The following FOXP1 variants were observed in gnomAD, a reference collection of about 807,000 sequenced individuals.
The protein encoded by FOXP1 is forkhead box P1, also known as forkhead box protein P1.
A neutral mutation model predicts 98.2 loss-of-function variants in FOXP1; 15 were observed. The observed-to-expected ratio is 0.15, with a 90% CI of 0.10 to 0.24. The LOEUF (loss-of-function observed/expected upper bound fraction) is 0.24. Among genes scored for constraint, FOXP1 ranks in the 10% least tolerant of loss-of-function variants. The probability of loss-of-function intolerance (pLI) is 1.00; values close to 1 mark genes in which losing one functional copy is unlikely to be tolerated. For missense variants in FOXP1, 633 were observed against 848.5 expected (o/e 0.75, Z 3.15); for synonymous variants, 371 against 314.5 (o/e 1.18, Z -1.90).
chr3:71,296,854 A>G (rs995965339), intron 5 of FOXP1, among the ~76,000 whole-genome samples: 15 of 152,320 alleles, frequency 9.8e-5, no homozygotes, highest in African/African-American at 3.4e-4. Flanking sequence ...TGGTTGTTAA[A>G]AAGAGCCTGG....
chr3:71,472,733 T>C (rs1379928833), intron 3 of FOXP1, among the ~76,000 whole-genome samples: 3 of 152,214 alleles, frequency 2.0e-5, no homozygotes, highest in East Asian at 1.9e-4. Flanking sequence ...AGAAGTAGAT[T>C]AGAATAATGG....
At chr3:71,558,254 C>G (rs539927062) in intron 2 of FOXP1, among the ~76,000 whole-genome samples, 2 of 152,168 alleles carry the variant, frequency 1.3e-5, no homozygotes, top group African/African-American at 4.8e-5. Flanking sequence ...CTGAAGGAAA[C>G]CTTCCTCTGA....
At chr3:71,047,177 A>AT in intron 9 of FOXP1, 82 bp from the exon 10 acceptor site, 1 of 1,500,428 alleles carries the variant, frequency 6.7e-7, no homozygotes, top group Non-Finnish European at 9.3e-7. Context: ...ACTCACCATC[A>AT]TCATCAAATG....
intron 3 of FOXP1, among the ~76,000 whole-genome samples, chr3:71,431,996 G>C (rs2084761207): frequency 6.6e-6 from 1 of 152,224 alleles, no homozygotes. Flanking sequence ...CAGAGAAGCA[G>C]AGAGAACCTA....
chr3:71,522,577 T>C (rs1309233113), intron 2 of FOXP1, among the ~76,000 whole-genome samples: 1 of 152,190 alleles, frequency 6.6e-6, no homozygotes, highest in Non-Finnish European at 1.5e-5. Context: ...CCAGGTTCAT[T>C]GTGAGGGACA....
At chr3:71,347,899 CAG>C (rs2077474072) in intron 4 of FOXP1, among the ~76,000 whole-genome samples, 2 of 147,020 alleles carry the variant, frequency 1.4e-5, no homozygotes, top group Non-Finnish European at 3.0e-5. Flanking sequence ...AAAAAAAAAA[CAG>C]AGTTGTCCCT....
rs2031644856 is a variant in FOXP1, at chr3:70,955,835, C to T, written c.*3412G>A. 1 of 217,344 alleles carries T rather than the reference C, an allele frequency of 4.6e-6. No homozygotes were observed. The highest frequency in any genetic ancestry group is 9.1e-6 in the Non-Finnish European group (1 of 109,778). The allele number at this position is 217,344 out of a possible 1,614,324, so 13.5% of individuals were successfully genotyped here. A position where few individuals can be genotyped will look rare whatever the true frequency, so the allele number is the denominator to read the frequency against. On this transcript the variant is annotated 3_prime_UTR_variant, in exon 21 of 21. Coordinates refer to ENST00000649528, the MANE Select transcript of FOXP1 (RefSeq NM_001349338.3). Reference sequence around the variant, plus strand: ...AGATTAACACACACGCACGCGCGCACACACACACACACACACACACAAAAC... The same window carrying T: ...AGATTAACACACACGCACGCGCGCATACACACACACACACACACACAAAAC...
chr3:71,349,524 T>A (rs1950132), intron 4 of FOXP1, among the ~76,000 whole-genome samples: 3 of 152,126 alleles, frequency 2.0e-5, no homozygotes, highest in African/African-American at 7.2e-5. Context: ...GAAAATATGA[T>A]GGACATGAAA....
intron 6 of FOXP1, among the ~76,000 whole-genome samples, chr3:71,150,851 G>A (rs188589734): frequency 4.6e-5 from 7 of 152,104 alleles, no homozygotes; most frequent in Admixed American, 3.9e-4. Context: ...ACCCCGTTAC[G>A]GTCTCTTTTT....
intron 3 of FOXP1, among the ~76,000 whole-genome samples, chr3:71,411,688 G>C (rs1027106726): frequency 2.0e-5 from 3 of 152,182 alleles, no homozygotes; most frequent in Non-Finnish European, 4.4e-5. Flanking sequence ...GCCTCTCGTA[G>C]AAAAGGACCC....
intron 6 of FOXP1, among the ~76,000 whole-genome samples, chr3:71,127,765 C>T (rs1436072084): frequency 3.3e-5 from 5 of 152,196 alleles, no homozygotes; most frequent in African/African-American, 1.2e-4. Context: ...TCTTTGCAGC[C>T]TACCTATGTC....
At chr3:70,991,799 G>A (rs2040642019) in intron 13 of FOXP1, among the ~76,000 whole-genome samples, 2 of 152,122 alleles carry the variant, frequency 1.3e-5, no homozygotes, top group Non-Finnish European at 2.9e-5. Context: ...ACATATCTGA[G>A]GTCAGGGAAC....
chr3:71,333,411 C>T (rs913304796), intron 4 of FOXP1: 4 of 151,840 alleles, frequency 2.6e-5, no homozygotes, highest in African/African-American at 9.7e-5. Flanking sequence ...AAAAAAGGAA[C>T]AGAATAACAT....
At chr3:71,558,914 T>G (rs2046345050) in intron 2 of FOXP1, among the ~76,000 whole-genome samples, 1 of 150,758 alleles carries the variant, frequency 6.6e-6, no homozygotes, top group Admixed American at 6.6e-5. Flanking sequence ...GCAATTCTCC[T>G]GCCTCAGCCT....
chr3:71,177,722 A>G (rs1408847464), intron 6 of FOXP1, among the ~76,000 whole-genome samples: 8 of 152,204 alleles, frequency 5.3e-5, no homozygotes, highest in African/African-American at 1.9e-4. Flanking sequence ...ACACAGGTAC[A>G]GTACTAAGCA....
rs368395201 is a variant in FOXP1, at chr3:70,972,426, T to C, written c.1652+129A>G. 5.2e-5 allele frequency: 71 copies of C among 1,358,666 alleles called. No individual in the cohort carries two copies. In the African/African-American group the frequency reaches 8.4e-4, roughly 16 times the overall value. The allele number at this position is 1,358,666 out of a possible 1,614,324, so 84.2% of individuals were successfully genotyped here. ...AAACAGGAGGGATGAAATGCTTTTT[T>C]GCTTCCCTTAACTGAGACAACGTGA... On this transcript the variant is annotated intron_variant, in intron 18 of 20. Transcript: ENST00000649528.
At position 71,052,621 on chromosome 3, in the gene FOXP1, C is replaced by T; in HGVS notation, c.426G>A (p.Gln142=). 1 of 1,247,886 alleles carries T rather than the reference C, an allele frequency of 8.0e-7. No individual in the cohort carries two copies. The highest frequency in any genetic ancestry group is 2.3e-5 in the East Asian group (1 of 43,230). 77.3% of individuals were successfully genotyped at this position (1,247,886 alleles called of 1,614,324 possible). The change falls in exon 9 of 21, where the codon CAG becomes CAA. Residue 142 remains glutamine (Q), a synonymous_variant. Transcript: ENST00000649528. ...QQQALMLQQQ[Q]LQEFYKKQQE... The stretch of plus-strand genomic sequence containing the variant: ...GTTGTTTTTTATAAAACTCTTGAAG[C>T]TGCTGCTACAAAGGAAAGAGAGGAC...
chr3:71,290,681 G>A (rs73111689), intron 5 of FOXP1, among the ~76,000 whole-genome samples: 13,390 of 152,120 alleles, frequency 0.088, 878 homozygotes, highest in Non-Finnish European at 0.13. Context: ...ACACTGTTAT[G>A]TTGTCTCTTA....
At chr3:71,212,143 C>T (rs2064521801) in intron 5 of FOXP1, among the ~76,000 whole-genome samples, 1 of 152,076 alleles carries the variant, frequency 6.6e-6, no homozygotes, top group Non-Finnish European at 1.5e-5. Flanking sequence ...TTCTCCTTGG[C>T]TTTATCAGAA....
Sources: gnomAD v4.1 joint callset for allele counts (sites outside exome capture counted in the v4.1 genomes callset) on GRCh38, gnomAD v4.1.1 for gene constraint, MANE v1.5 for transcripts, NCBI Gene and HGNC (gene_info 2026-07-23, HGNC 2026-07-21) for gene names.